The following TMEM132B variants were observed in gnomAD, a reference collection of about 807,000 sequenced individuals.
The protein encoded by TMEM132B is transmembrane protein 132B.
In TMEM132B, 18 loss-of-function variants were observed where a neutral mutation model predicts 90.8. That is an observed-to-expected ratio of 0.20 (90% CI 0.14 to 0.29). The LOEUF is 0.29. Ranked by LOEUF, TMEM132B falls within the 10% of genes least tolerant of loss-of-function variation. The pLI, the probability that TMEM132B is intolerant of heterozygous loss-of-function variation, is 1.00. For synonymous variants in TMEM132B, 504 were observed against 523.3 expected (o/e 0.96, Z 0.50); for missense variants, 1,096 against 1,326.8 (o/e 0.83, Z 2.70).
At chr12:125,335,953 C>T (rs148102062) in intron 1 of TMEM132B, among the ~76,000 whole-genome samples, 17 of 152,266 alleles carry the variant, frequency 1.1e-4, no homozygotes, top group Non-Finnish European at 1.8e-4. Flanking sequence ...CGCCACTGCA[C>T]TCCAGCCTGG....
intron 1 of TMEM132B, among the ~76,000 whole-genome samples, chr12:125,325,372 G>T (rs1356984483): frequency 6.6e-6 from 1 of 152,066 alleles, no homozygotes; most frequent in African/African-American, 2.4e-5. Flanking sequence ...AGCGCCCAGG[G>T]GAAATGGGAA....
rs1324310483 is a variant in TMEM132B at position 125,445,800 on chromosome 12, G to A, written c.1106+30123G>A. On this transcript the variant is annotated intron_variant, in intron 3 of 8. Transcript: ENST00000682704. The surrounding 1 kb of genome is among the most constrained non-coding windows in gnomAD (Gnocchi z 4.3). Reference sequence around the variant, plus strand: ...GCGGAGAGTTGGCTCCTTTGACTTGGAGACAGACATCTCACACCTCAGGCC... The same window carrying A: ...GCGGAGAGTTGGCTCCTTTGACTTGAAGACAGACATCTCACACCTCAGGCC... 1.3e-5 allele frequency among the ~76,000 whole-genome samples: 2 copies of A among 152,196 alleles called. No homozygotes were observed. Among genetic ancestry groups the A allele is most frequent in the African/African-American group, 4.8e-5 (2 of 41,448 alleles).
chr12:125,332,739 G>A (rs554344543), intron 1 of TMEM132B, among the ~76,000 whole-genome samples: 3 of 151,954 alleles, frequency 2.0e-5, no homozygotes, highest in South Asian at 4.2e-4. Flanking sequence ...CTAAAAACTC[G>A]TCTTACAGAT....
At chr12:125,503,310 A>G (rs1421014080) in intron 3 of TMEM132B, among the ~76,000 whole-genome samples, 1 of 152,094 alleles carries the variant, frequency 6.6e-6, no homozygotes, top group Non-Finnish European at 1.5e-5. Context: ...CATGATGTCA[A>G]AGGTCAGTTA....
At chr12:125,557,810 A>G (rs141341110) in intron 4 of TMEM132B, among the ~76,000 whole-genome samples, 11 of 152,228 alleles carry the variant, frequency 7.2e-5, no homozygotes, top group African/African-American at 2.6e-4. Context: ...CCGAGTGGCT[A>G]ATTTAGGTTG....
chr12:125,441,540 T>A (rs929185377), intron 3 of TMEM132B, among the ~76,000 whole-genome samples: 2 of 152,244 alleles, frequency 1.3e-5, no homozygotes, highest in African/African-American at 4.8e-5. Context: ...GATGCACTTT[T>A]GTGTTAAACC....
intron 3 of TMEM132B, among the ~76,000 whole-genome samples, chr12:125,502,371 CA>C (rs1477427095): frequency 6.6e-6 from 1 of 152,186 alleles, no homozygotes; most frequent in Non-Finnish European, 1.5e-5. Context: ...ATGAGCTCTT[CA>C]AGGTTCAGCA....
chr12:125,402,440 G>T (rs1274206735), intron 2 of TMEM132B, among the ~76,000 whole-genome samples: 1 of 152,174 alleles, frequency 6.6e-6, no homozygotes, highest in East Asian at 1.9e-4. Context: ...GGCTTTCAAA[G>T]TGTTGGGATT....
intron 3 of TMEM132B, among the ~76,000 whole-genome samples, chr12:125,432,528 T>TATATATATATAGAGAGAGAG (rs1458075923): frequency 5.1e-5 from 2 of 39,124 alleles, no homozygotes; most frequent in Admixed American, 2.6e-4. Context: ...TATATATATA[T>TATATATATATAGAGAGAGAG]AGAGAGAGAG....
intron 1 of TMEM132B, among the ~76,000 whole-genome samples, chr12:125,294,729 C>T (rs1168823899): frequency 1.3e-5 from 2 of 152,126 alleles, no homozygotes; most frequent in Non-Finnish European, 2.9e-5. Flanking sequence ...CTGCTGACTC[C>T]GAAGTCCTGC....
At chr12:125,575,056 TCATATATATA>T (rs1884904269) in intron 4 of TMEM132B, among the ~76,000 whole-genome samples, 1 of 11,054 alleles carries the variant, frequency 9.0e-5, no homozygotes, top group African/African-American at 2.6e-4. Context: ...CTATTAGCTG[TCATATATATA>T]TATATATATA....
intron 1 of TMEM132B, among the ~76,000 whole-genome samples, chr12:125,265,324 TACATACCTATGATAA>T (rs1874662545): frequency 1.4e-5 from 2 of 148,084 alleles, no homozygotes; most frequent in African/African-American, 5.3e-5. Flanking sequence ...TTTCTATACA[TACATACCTATGATAA>T]AGCTCAATTT....
chr12:125,508,664 C>A (rs1454400256), intron 3 of TMEM132B, among the ~76,000 whole-genome samples: 2 of 152,064 alleles, frequency 1.3e-5, no homozygotes, highest in African/African-American at 4.8e-5. Context: ...TTAATGAGGC[C>A]CTTCCCAGTA....
chr12:125,350,975 C>A (rs972049708), intron 2 of TMEM132B, among the ~76,000 whole-genome samples: 1 of 152,210 alleles, frequency 6.6e-6, no homozygotes, highest in Non-Finnish European at 1.5e-5. Context: ...CCTTATGCTG[C>A]TAGAAGCCAT....
At chr12:125,224,697 A>T (rs1873636982) in intron 1 of TMEM132B, among the ~76,000 whole-genome samples, 1 of 152,238 alleles carries the variant, frequency 6.6e-6, no homozygotes, top group South Asian at 2.1e-4. Context: ...GCAGAAGAAA[A>T]ACCCCAACTG....
At position 125,216,253 on chromosome 12, in the gene TMEM132B, C is replaced by T. The variant is rs913341449; in HGVS notation, c.67+29387C>T. ...TTCCTGGCTTGCAGATGGCAGCCTC[C>T]TCTCTGTGTCCTAAAGGTAGAGGGT... On this transcript the variant is annotated intron_variant, in intron 1 of 8. Coordinates refer to ENST00000682704, the MANE Select transcript of TMEM132B (RefSeq NM_001366854.1). Among the ~76,000 whole-genome samples, 8 of 152,158 alleles carry T rather than the reference C, an allele frequency of 5.3e-5. 1 individual carries two copies. The highest frequency in any genetic ancestry group is 1.7e-4 in the African/African-American group (7 of 41,438).
chr12:125,495,802 C>T (rs996608371), intron 3 of TMEM132B, among the ~76,000 whole-genome samples: 3 of 152,166 alleles, frequency 2.0e-5, no homozygotes, highest in Admixed American at 6.5e-5. Flanking sequence ...TGTGATATCA[C>T]AAATGCACTG....
intron 5 of TMEM132B, among the ~76,000 whole-genome samples, chr12:125,591,590 T>C (rs1885319945): frequency 6.6e-6 from 1 of 152,206 alleles, no homozygotes; most frequent in African/African-American, 2.4e-5. Context: ...ACCACAAACT[T>C]GATGGCTTAA....
chr12:125,280,436 G>A (rs1378593171), intron 1 of TMEM132B, among the ~76,000 whole-genome samples: 1 of 152,248 alleles, frequency 6.6e-6, no homozygotes, highest in Non-Finnish European at 1.5e-5. Flanking sequence ...GGGTGTATCA[G>A]TGAGAATAAG....
Sources: gnomAD v4.1 joint callset for allele counts (sites outside exome capture counted in the v4.1 genomes callset) on GRCh38, gnomAD v4.1.1 for gene constraint, Gnocchi (gnomAD v3.1) non-coding constraint, MANE v1.5 for transcripts, NCBI Gene and HGNC (gene_info 2026-07-23, HGNC 2026-07-21) for gene names.